The following JAKMIP3 variants were observed in gnomAD, a reference collection of about 807,000 sequenced individuals.
JAKMIP3 encodes the protein janus kinase and microtubule-interacting protein 3.
Under a neutral mutation model 118.5 loss-of-function variants are expected in JAKMIP3, and 58 were observed. That is an observed-to-expected ratio of 0.49 (90% CI 0.40 to 0.61). The LOEUF is 0.61. Ranked by LOEUF, JAKMIP3 falls within the 20% of genes least tolerant of loss-of-function variation. The pLI is 0.00. For synonymous variants in JAKMIP3, 486 were observed against 451.2 expected (o/e 1.08, Z -0.98); for missense variants, 950 against 1,109.0 (o/e 0.86, Z 2.04).
intron 1 of JAKMIP3, among the ~76,000 whole-genome samples, chr10:132,073,493 CTTTTT>C (rs59985814): frequency 1.5e-5 from 2 of 134,898 alleles, no homozygotes; most frequent in African/African-American, 2.8e-5. Context: ...CCTATCTTTA[CTTTTT>C]TTTTTTTTTT....
rs1565020492 is a variant in JAKMIP3 at position 132,180,678 on chromosome 10, CGCGCGTGTGTGTGCGTGCGT to C, written c.*1104-1677_*1104-1658del. Among the ~76,000 whole-genome samples the C allele has an allele frequency of 5.2e-4, 5 of 9,556 alleles. 1 individual carries two copies. The highest frequency in any genetic ancestry group is 6.3e-4 in the African/African-American group (1 of 1,600). 6.3% of individuals were successfully genotyped at this position (9,556 alleles called of 152,430 possible). A position where few individuals can be genotyped will look rare whatever the true frequency, so the allele number is the denominator to read the frequency against. ...GTGTGCGTGTGTGCGTGTGTGTGCG[CGCGCGTGTGTGTGCGTGCGT>C]GTGTGTGTGCGCGTGTGTGTGCGTG... is the stretch of plus-strand genomic sequence containing the variant. On this transcript the variant is annotated intron_variant, in intron 23 of 23. Transcript: ENST00000684848.
intron 16 of JAKMIP3, among the ~76,000 whole-genome samples, chr10:132,151,299 C>A (rs1412899753): frequency 6.6e-6 from 1 of 152,204 alleles, no homozygotes; most frequent in Non-Finnish European, 1.5e-5. Context: ...TCCCCTCCCT[C>A]CATCCATCCA....
chr10:132,125,707 T>C lies in JAKMIP3; in HGVS notation c.634-7605T>C, dbSNP rs546781353. Among the ~76,000 whole-genome samples the C allele has an allele frequency of 5.3e-5, 8 of 152,344 alleles. No homozygotes were observed. In the South Asian group the frequency reaches 1.7e-3, roughly 32 times the overall value. On this transcript the variant is annotated intron_variant, in intron 3 of 23. Transcript: ENST00000684848. ...TCTTACATATCATTATTATAATTAT[T>C]CCTAAATATTTAACGTTTCATGCTA... is the stretch of plus-strand genomic sequence containing the variant.
At chr10:132,073,761 G>A (rs906084109) in intron 1 of JAKMIP3, among the ~76,000 whole-genome samples, 1 of 152,100 alleles carries the variant, frequency 6.6e-6, no homozygotes, top group African/African-American at 2.4e-5. Context: ...GCCTTCCAAA[G>A]TGCTAGGATT....
In JAKMIP3 at chr10:132,180,772, T is replaced by TGCGTGTGTGTGTGCGTGC. The variant is rs527859135; in HGVS notation, c.*1104-1584_*1104-1583insCGTGTGTGTGTGCGTGCG. Among the ~76,000 whole-genome samples the TGCGTGTGTGTGTGCGTGC allele has an allele frequency of 6.3e-5, 4 of 63,678 alleles. 2 individuals carry two copies. The highest frequency in any genetic ancestry group is 3.3e-4 in the African/African-American group (4 of 12,152). The allele number at this position is 63,678 out of a possible 152,430, so 41.8% of individuals were successfully genotyped here. ...GCGCGCGTGTGTGCGTGTGTGTGCG[T>TGCGTGTGTGTGTGCGTGC]GTGTGTGTGTGCGCGTATGCATGTG... On this transcript the variant is annotated intron_variant, in intron 23 of 23. Transcript: ENST00000684848.
At position 132,084,879 on chromosome 10, in the gene JAKMIP3, T is replaced by G. The variant is rs139626756; in HGVS notation, c.-138+18818T>G. Among the ~76,000 whole-genome samples, 290 of 152,356 alleles carry G rather than the reference T, an allele frequency of 1.9e-3. 1 individual carries two copies. The highest frequency in any genetic ancestry group is 0.01 in the South Asian group (50 of 4,826). ...CTGTTTATGTATTGTATCACATTTA[T>G]TGACCTGCATATGTTAAACCACCCC... On this transcript the variant is annotated intron_variant, in intron 1 of 23. Coordinates refer to ENST00000684848, the MANE Select transcript of JAKMIP3 (RefSeq NM_001323087.2).
upstream of JAKMIP3, among the ~76,000 whole-genome samples, chr10:132,064,443 C>T (rs1050516916): frequency 6.6e-6 from 1 of 152,164 alleles, no homozygotes; most frequent in Non-Finnish European, 1.5e-5. This position sits in a 1 kb window ranked among gnomAD's most constrained non-coding sequence, Gnocchi z 4.4. Flanking sequence ...GGACCCCGAG[C>T]CGCCGGCATG....
At chr10:132,100,649 C>G (rs1309492917) in intron 1 of JAKMIP3, among the ~76,000 whole-genome samples, 1 of 152,206 alleles carries the variant, frequency 6.6e-6, no homozygotes, top group African/African-American at 2.4e-5. Context: ...CTGCCAACAG[C>G]AGCAGTGTCC....
intron 1 of JAKMIP3, among the ~76,000 whole-genome samples, chr10:132,084,807 CT>C (rs1324582297): frequency 2.0e-5 from 3 of 152,156 alleles, no homozygotes; most frequent in Non-Finnish European, 4.4e-5. Context: ...TTGTCTAATG[CT>C]TTTTCTGCAT....
intron 3 of JAKMIP3, among the ~76,000 whole-genome samples, chr10:132,123,007 G>A (rs968699949): frequency 3.3e-5 from 5 of 152,222 alleles, no homozygotes; most frequent in Non-Finnish European, 7.4e-5. Context: ...AGAGGAACCT[G>A]GAGCCTCGGA....
chr10:132,046,819 A>G (rs1282758905), intron 1 of JAKMIP3, among the ~76,000 whole-genome samples: 1 of 152,232 alleles, frequency 6.6e-6, no homozygotes, highest in African/African-American at 2.4e-5. Context: ...GCCAAGCTTG[A>G]GGAACTTGCC....
intron 9 of JAKMIP3, among the ~76,000 whole-genome samples, chr10:132,139,407 T>G (rs2052887254): frequency 8.5e-6 from 1 of 117,272 alleles, no homozygotes; most frequent in African/African-American, 3.7e-5. Context: ...TGTGAGTGTG[T>G]ATGTGTGAGT....
At chr10:132,115,357 G>T (rs984889411) in intron 2 of JAKMIP3, among the ~76,000 whole-genome samples, 2 of 152,160 alleles carry the variant, frequency 1.3e-5, no homozygotes, top group African/African-American at 4.8e-5. Flanking sequence ...GGGGACTCTG[G>T]GCCCCTGCTA....
chr10:132,118,201 G>A lies in JAKMIP3; in HGVS notation c.633+627G>A, dbSNP rs577889075. Among the ~76,000 whole-genome samples the A allele has an allele frequency of 5.0e-4, 76 of 152,290 alleles. No homozygotes were observed. Among genetic ancestry groups the A allele is most frequent in the Non-Finnish European group, 7.5e-4 (51 of 68,034 alleles). ...GTTTTGTGGATCAATGAGGTCTAAC[G>A]TTGGCATCTGGTGCAGCCTAATAGC... On this transcript the variant is annotated intron_variant, in intron 3 of 23. Transcript: ENST00000684848. The surrounding 1 kb of genome is among the most constrained non-coding windows in gnomAD (Gnocchi z 4.8).
intron 4 of JAKMIP3, among the ~76,000 whole-genome samples, chr10:132,133,950 C>T (rs888603453): frequency 3.3e-5 from 5 of 152,236 alleles, no homozygotes; most frequent in East Asian, 1.9e-4. Context: ...CCCTGCCCAC[C>T]GCGTGCCCAG....
At chr10:132,134,403 C>T (rs2051299638) in intron 4 of JAKMIP3, among the ~76,000 whole-genome samples, 1 of 152,230 alleles carries the variant, frequency 6.6e-6, no homozygotes, top group Non-Finnish European at 1.5e-5. Flanking sequence ...CCAGCCCCTC[C>T]TGCTGGTGCG....
At chr10:132,102,901 C>T (rs67737637) in intron 1 of JAKMIP3, among the ~76,000 whole-genome samples, 26,466 of 149,876 alleles carry the variant, frequency 0.18, 2,381 homozygotes, top group East Asian at 0.21. Flanking sequence ...TTCACCAGGC[C>T]GGAGAGGAGA....
chr10:132,163,562 A>C, intron 20 of JAKMIP3, 150 bp downstream of exon 20: 1 of 692,788 alleles, frequency 1.4e-6, no homozygotes, highest in Admixed American at 2.7e-5. Flanking sequence ...ACACACTCTG[A>C]TGGCTACACC....
At chr10:132,070,518 C>T (rs1450022071) in intron 1 of JAKMIP3, among the ~76,000 whole-genome samples, 1 of 152,124 alleles carries the variant, frequency 6.6e-6, no homozygotes, top group Non-Finnish European at 1.5e-5. Context: ...ATCCTTAATC[C>T]CATGCGTGAT....
Sources: allele counts gnomAD v4.1 joint callset (sites outside exome capture counted in the v4.1 genomes callset), GRCh38; gene constraint gnomAD v4.1.1; non-coding constraint Gnocchi (gnomAD v3.1); transcripts MANE v1.5; gene names NCBI Gene and HGNC (gene_info 2026-07-23, HGNC 2026-07-21).